The following PWWP2A variants were observed in gnomAD, a reference collection of about 807,000 sequenced individuals.
PWWP2A encodes PWWP domain containing 2A, also known as PWWP domain-containing protein 2A.
PWWP2A carries 18 observed loss-of-function variants against 48.5 expected under a neutral mutation model. The ratio of observed to expected loss-of-function variants is 0.37; its 90% CI spans 0.26 to 0.55. PWWP2A has a LOEUF of 0.55. Ranked by LOEUF, PWWP2A falls within the 20% of genes least tolerant of loss-of-function variation. The pLI, the probability that PWWP2A is intolerant of heterozygous loss-of-function variation, is 0.81. For missense variants in PWWP2A, 867 were observed against 976.4 expected, an observed-to-expected ratio of 0.89 and a Z score of 1.49; for synonymous variants, 396 against 387.7, an observed-to-expected ratio of 1.02 and a Z score of -0.25.
chr5:160,099,025 T>C (rs1004143775), intron 1 of PWWP2A, among the ~76,000 whole-genome samples: 5 of 152,216 alleles, frequency 3.3e-5, no homozygotes, highest in Admixed American at 6.5e-5. Context: ...CTCGGAGTGT[T>C]TGCAGTGGAA....
chr5:160,056,761 C>A, the PWWP2A span, among the ~76,000 whole-genome samples: 1 of 151,972 alleles, frequency 6.6e-6, no homozygotes, highest in Non-Finnish European at 1.5e-5. Flanking sequence ...TGTATGAGTG[C>A]CATATTAAAG....
chr5:160,083,830 G>A (rs920026092), intron 2 of PWWP2A, among the ~76,000 whole-genome samples: 17 of 152,196 alleles, frequency 1.1e-4, no homozygotes, highest in African/African-American at 3.9e-4. Flanking sequence ...GTGAGTACCA[G>A]ATCACTGGAA....
intron 2 of PWWP2A, among the ~76,000 whole-genome samples, chr5:160,067,716 G>A (rs1247779180): frequency 1.3e-5 from 2 of 152,212 alleles, no homozygotes; most frequent in African/African-American, 4.8e-5. Flanking sequence ...TTAAGCCAAG[G>A]AGTTTTTATC....
rs1227660936 is a variant in PWWP2A, at chr5:160,077,951, T to C, written c.*204A>G. 25 of 501,614 alleles carry C rather than the reference T, an allele frequency of 5.0e-5. No homozygotes were observed. The East Asian group carries it at 7.6e-4, about 15-fold the overall frequency. The allele number at this position is 501,614 out of a possible 1,614,324, so 31.1% of individuals were successfully genotyped here. ...TCTCATGCATAATTTATTGCAAGTT[T>C]ATTTTTTATAAAATATTCCCTAATA... On this transcript the variant is annotated 3_prime_UTR_variant, in exon 4 of 4. Transcript: ENST00000456329. The surrounding 1 kb of genome is among the most constrained non-coding windows in gnomAD (Gnocchi z 4.2).
chr5:160,081,308 G>C (rs972225982), intron 2 of PWWP2A, among the ~76,000 whole-genome samples: 2 of 138,266 alleles, frequency 1.4e-5, no homozygotes, highest in Non-Finnish European at 3.0e-5. Flanking sequence ...GCACGATCTC[G>C]GCTCACTGCA....
chr5:160,046,872 C>T, the PWWP2A span, among the ~76,000 whole-genome samples: 14 of 152,008 alleles, frequency 9.2e-5, no homozygotes, highest in Non-Finnish European at 8.8e-5. Flanking sequence ...ATTAGCAGGG[C>T]ATGGCGGCAC....
At chr5:160,087,296 G>A (rs1410782592), downstream of PWWP2A, among the ~76,000 whole-genome samples, 1 of 151,778 alleles carries the variant, frequency 6.6e-6, no homozygotes, top group African/African-American at 2.4e-5. Context: ...GGCTTGAGGT[G>A]GGAGAACTGC....
chr5:160,118,777 C>T (rs770100007), intron 1 of PWWP2A, 28 bp downstream of exon 1: 8 of 1,393,098 alleles, frequency 5.7e-6, no homozygotes, highest in African/African-American at 4.6e-5. Context: ...CCCAGCGGAC[C>T]GGAGGGTGCT....
intron 2 of PWWP2A, among the ~76,000 whole-genome samples, chr5:160,068,701 A>G (rs576947016): frequency 3.3e-5 from 5 of 152,304 alleles, no homozygotes; most frequent in South Asian, 2.1e-4. Context: ...TGAGTAGACC[A>G]TGAGCTCATG....
chr5:160,108,831 C>T (rs1010105817), intron 1 of PWWP2A, among the ~76,000 whole-genome samples: 3 of 152,058 alleles, frequency 2.0e-5, no homozygotes, highest in Admixed American at 6.6e-5. Context: ...ATGCACATAC[C>T]ACAAAATTAA....
At chr5:160,097,861 G>A (rs1178612199) in intron 1 of PWWP2A, among the ~76,000 whole-genome samples, 4 of 151,452 alleles carry the variant, frequency 2.6e-5, no homozygotes, top group African/African-American at 9.7e-5. Flanking sequence ...GATTACAGAC[G>A]CGAGCCATCA....
chr5:160,104,813 C>T (rs1003528351), intron 1 of PWWP2A, among the ~76,000 whole-genome samples: 1 of 151,926 alleles, frequency 6.6e-6, no homozygotes, highest in South Asian at 2.1e-4. Flanking sequence ...TCAAAAAAAA[C>T]AAAAACAAAC....
downstream of PWWP2A, among the ~76,000 whole-genome samples, chr5:160,075,037 T>A (rs1459811263): frequency 6.6e-6 from 1 of 152,228 alleles, no homozygotes; most frequent in Admixed American, 6.5e-5. Flanking sequence ...GTTGCTTCTA[T>A]TGGTTCCATC....
rs1170533466 is a variant in PWWP2A at position 160,077,486 on chromosome 5, C to T, written c.*669G>A. 1.4e-4 allele frequency: 22 copies of T among 152,146 alleles called. No homozygotes were observed. The highest frequency in any genetic ancestry group is 1.4e-3 in the Admixed American group (22 of 15,280). The allele number at this position is 152,146 out of a possible 1,614,324, so 9.4% of individuals were successfully genotyped here. A position where few individuals can be genotyped will look rare whatever the true frequency, so the allele number is the denominator to read the frequency against. ...AAATACTAGTGGCAAATAAATATAT[C>T]TTAATATGTTCTAACAAGCAAACAT... is the stretch of plus-strand genomic sequence containing the variant. On this transcript the variant is annotated 3_prime_UTR_variant, in exon 4 of 4. Coordinates refer to the PWWP2A transcript ENST00000456329. The surrounding 1 kb of genome is among the most constrained non-coding windows in gnomAD (Gnocchi z 4.2).
At chr5:160,118,771 G>C in intron 1 of PWWP2A, 34 bp downstream of exon 1, 1 of 1,386,396 alleles carries the variant, frequency 7.2e-7, no homozygotes, top group African/African-American at 1.5e-5. Context: ...TGGGGACCCA[G>C]CGGACCGGAG....
At chr5:160,108,688 C>G in intron 1 of PWWP2A, 1 of 839,846 alleles carries the variant, frequency 1.2e-6, no homozygotes, top group Non-Finnish European at 1.7e-6. Flanking sequence ...AAATTGCTTT[C>G]AAGAACTTAG....
downstream of PWWP2A, among the ~76,000 whole-genome samples, chr5:160,070,959 G>A (rs757881389): frequency 1.6e-4 from 25 of 152,274 alleles, no homozygotes; most frequent in African/African-American, 4.6e-4. Context: ...AGGCCAACGC[G>A]GGCAAATAGC....
intron 1 of PWWP2A, chr5:160,108,610 G>T: frequency 1.6e-6 from 2 of 1,282,824 alleles, no homozygotes; most frequent in Non-Finnish European, 2.0e-6. Flanking sequence ...TACGTTTCAT[G>T]GTCTCTGTAA....
downstream of PWWP2A, among the ~76,000 whole-genome samples, chr5:160,075,586 T>A (rs185736131): frequency 1.3e-5 from 2 of 152,252 alleles, no homozygotes; most frequent in East Asian, 3.9e-4. Context: ...AGCAGATATT[T>A]AATTACATCC....
Sources: allele counts gnomAD v4.1 joint callset (sites outside exome capture counted in the v4.1 genomes callset), GRCh38; gene constraint gnomAD v4.1.1; non-coding constraint Gnocchi (gnomAD v3.1); transcripts MANE v1.5; gene names NCBI Gene and HGNC (gene_info 2026-07-23, HGNC 2026-07-21).